Variants in PRPH2 observed in about 807,000 individuals in gnomAD.
The protein encoded by PRPH2 is peripherin 2, also known as peripherin-2.
Under a neutral mutation model 31.3 loss-of-function variants are expected in PRPH2, and 17 were observed. The ratio of observed to expected loss-of-function variants is 0.54; its 90% CI spans 0.37 to 0.81. PRPH2 has a LOEUF of 0.81. PRPH2 is among the 40% of genes least tolerant of loss of function. The pLI is 0.00. For missense variants in PRPH2, 430 were observed against 439.7 expected, an observed-to-expected ratio of 0.98 and a Z score of 0.20; for synonymous variants, 165 against 184.4, an observed-to-expected ratio of 0.89 and a Z score of 0.85.
Position 42,697,189 on chromosome 6 carries a change from A to C in PRPH2, c.*1106T>G, listed in dbSNP as rs1799957788. 6.6e-6 allele frequency: 1 copy of C among 152,198 alleles called. No homozygotes were observed. Among genetic ancestry groups the C allele is most frequent in the South Asian group, 2.1e-4 (1 of 4,826 alleles). The allele number at this position is 152,198 out of a possible 1,614,324, so 9.4% of individuals were successfully genotyped here. A position where few individuals can be genotyped will look rare whatever the true frequency, so the allele number is the denominator to read the frequency against. On this transcript the variant is annotated 3_prime_UTR_variant, in exon 3 of 3. Coordinates refer to ENST00000230381, the MANE Select transcript of PRPH2 (RefSeq NM_000322.5). ...CCTGAAAGCTTCTCTTTCCTAAAGAAAGTGAAAACTCCTGTATTTGCTAGC... is the reference window on the plus strand; with the variant it reads ...CCTGAAAGCTTCTCTTTCCTAAAGACAGTGAAAACTCCTGTATTTGCTAGC...
intron 1 of PRPH2, among the ~76,000 whole-genome samples, chr6:42,713,160 G>A (rs976199010): frequency 3.3e-5 from 5 of 151,970 alleles, no homozygotes; most frequent in Non-Finnish European, 7.4e-5. Flanking sequence ...TGGAGACAGA[G>A]GTTGCAGTGA....
intron 1 of PRPH2, among the ~76,000 whole-genome samples, chr6:42,715,815 C>T (rs1437761456): frequency 6.6e-6 from 1 of 152,188 alleles, no homozygotes; most frequent in Non-Finnish European, 1.5e-5. Context: ...ATCTCCAAAA[C>T]CTGCCCGCCC....
intron 1 of PRPH2, among the ~76,000 whole-genome samples, chr6:42,711,589 C>A (rs767782432): frequency 9.2e-5 from 14 of 152,102 alleles, no homozygotes; most frequent in Non-Finnish European, 1.9e-4. Flanking sequence ...CCTCAGGGAG[C>A]CCTGGTCTGA....
chr6:42,701,544 T>C (rs1045700936), intron 2 of PRPH2, among the ~76,000 whole-genome samples: 8 of 152,008 alleles, frequency 5.3e-5, no homozygotes, highest in African/African-American at 1.9e-4. Context: ...CCTGCTAGGA[T>C]TACAGGTGTG....
chr6:42,700,820 C>T (rs901860366), intron 2 of PRPH2, among the ~76,000 whole-genome samples: 4 of 152,136 alleles, frequency 2.6e-5, no homozygotes, highest in African/African-American at 9.7e-5. Context: ...CCACCCTTGG[C>T]CCATCAGACC....
In PRPH2 at chr6:42,698,426, G is replaced by T. The variant is rs390659; in HGVS notation, c.910C>A (p.Gln304Lys). 3 of 1,614,048 alleles carry T rather than the reference G, an allele frequency of 1.9e-6. No homozygotes were observed. The highest frequency in any genetic ancestry group is 1.7e-5 in the Admixed American group (1 of 60,016). Residue 304 changes from glutamine to lysine, a missense_variant, in exon 3 of 3, where the codon CAG becomes AAG. Transcript: ENST00000230381. ...ACGCTCCTCTCCAGCAGCCAGCCCT[G>T]GCTCTCGCTCTCAGATTCCTCGGGG... is the stretch of plus-strand genomic sequence containing the variant. The part of the protein sequence containing the change: ...SNPEESESES[Q>K]GWLLERSVPE...
Position 42,709,268 on chromosome 6 carries a change from T to G in PRPH2, c.582-4657A>C, listed in dbSNP as rs1367196237. Among the ~76,000 whole-genome samples the G allele has an allele frequency of 1.9e-4, 29 of 150,044 alleles. No homozygotes were observed. In the Admixed American group the frequency reaches 1.9e-3, roughly 10 times the overall value. On this transcript the variant is annotated intron_variant, in intron 1 of 2. Transcript: ENST00000230381. ...TCACTTGAACCAGGGAGGTGGAGAT[T>G]GCAGTGAGCTGAGATCATGCCATTG...
At chr6:42,707,752 G>A (rs1800194300) in intron 1 of PRPH2, among the ~76,000 whole-genome samples, 1 of 152,140 alleles carries the variant, frequency 6.6e-6, no homozygotes. Context: ...GCTGCATGAG[G>A]TGGCCTGGGT....
At chr6:42,704,128 T>C (rs951692880) in intron 2 of PRPH2, among the ~76,000 whole-genome samples, 3 of 149,960 alleles carry the variant, frequency 2.0e-5, no homozygotes, top group African/African-American at 7.4e-5. Context: ...AAAAAATAAA[T>C]TTAAGTGGTG....
chr6:42,721,319 A>G (rs1761898454), intron 1 of PRPH2, among the ~76,000 whole-genome samples: 2 of 152,208 alleles, frequency 1.3e-5, no homozygotes, highest in Admixed American at 6.5e-5. Context: ...CAAGGGAACT[A>G]ACTAGGAAAT....
At chr6:42,701,561 C>T (rs369662619) in intron 2 of PRPH2, among the ~76,000 whole-genome samples, 4 of 151,868 alleles carry the variant, frequency 2.6e-5, no homozygotes, top group African/African-American at 9.7e-5. Context: ...TGTGAGCCAC[C>T]GCTCCTGGCT....
chr6:42,717,094 C>G (rs185271451), intron 1 of PRPH2, among the ~76,000 whole-genome samples: 7 of 147,292 alleles, frequency 4.8e-5, no homozygotes, highest in African/African-American at 1.7e-4. Flanking sequence ...AGCATGAGCC[C>G]GCACCTGGCC....
chr6:42,721,751 C>T lies in PRPH2; in HGVS notation c.581+3G>A. On this transcript the variant is annotated splice_donor_region_variant and intron_variant, in intron 1 of 2. Coordinates refer to ENST00000230381, the MANE Select transcript of PRPH2 (RefSeq NM_000322.5). ...TCTGACCCCAGGACTGGAAGCCACT[C>T]ACTCTTTGACTTCTTTGGAGGAAAA... 2.5e-6 allele frequency: 4 copies of T among 1,614,160 alleles called. No individual in the cohort carries two copies. Among genetic ancestry groups the T allele is most frequent in the Admixed American group, 1.7e-5 (1 of 60,010 alleles).
intron 1 of PRPH2, among the ~76,000 whole-genome samples, chr6:42,716,259 A>G (rs1562430664): frequency 6.6e-6 from 1 of 152,022 alleles, no homozygotes; most frequent in East Asian, 1.9e-4. Flanking sequence ...GAGAGGGGAA[A>G]CAAAAAAAAG....
At chr6:42,709,131 C>T (rs1800227427) in intron 1 of PRPH2, among the ~76,000 whole-genome samples, 1 of 151,646 alleles carries the variant, frequency 6.6e-6, no homozygotes, top group Non-Finnish European at 1.5e-5. Flanking sequence ...GAGTTCGAGA[C>T]CATCCTGGCC....
intron 1 of PRPH2, chr6:42,711,673 C>G (rs1761647032): frequency 3.6e-6 from 3 of 843,746 alleles, no homozygotes; most frequent in Non-Finnish European, 4.3e-6. Flanking sequence ...GAGTTCCCGT[C>G]TGAGAGGGGA....
chr6:42,712,046 G>A (rs1242744998), intron 1 of PRPH2: 2 of 859,792 alleles, frequency 2.3e-6, no homozygotes, highest in South Asian at 5.4e-5. Flanking sequence ...CCACAACTGA[G>A]CCTGATCCAA....
intron 1 of PRPH2, among the ~76,000 whole-genome samples, chr6:42,713,437 GC>G (rs1294259837): frequency 1.3e-5 from 2 of 152,106 alleles, no homozygotes; most frequent in African/African-American, 4.8e-5. Context: ...CCCAGTGACA[GC>G]CCCATTTACC....
At chr6:42,713,349 G>A (rs1178391042) in intron 1 of PRPH2, among the ~76,000 whole-genome samples, 1 of 152,160 alleles carries the variant, frequency 6.6e-6, no homozygotes, top group Non-Finnish European at 1.5e-5. Flanking sequence ...TCCTCCAAGT[G>A]TAGCAGGAAG....
Sources: allele counts gnomAD v4.1 joint callset (sites outside exome capture counted in the v4.1 genomes callset), GRCh38; gene constraint gnomAD v4.1.1; transcripts MANE v1.5; gene names NCBI Gene and HGNC (gene_info 2026-07-23, HGNC 2026-07-21).